Variants in VRK1 observed in about 807,000 individuals in gnomAD.
The protein encoded by VRK1 is serine/threonine-protein kinase VRK1.
In VRK1, 33 loss-of-function variants were observed where a neutral mutation model predicts 57.1. The observed-to-expected ratio is 0.58, with a 90% CI of 0.44 to 0.77. The LOEUF is 0.77. Among genes scored for constraint, VRK1 ranks in the 30% least tolerant of loss-of-function variants. The pLI, the probability that VRK1 is intolerant of heterozygous loss-of-function variation, is 0.00. For synonymous variants in VRK1, 137 were observed against 147.8 expected (o/e 0.93, Z 0.53); for missense variants, 413 against 477.3 (o/e 0.87, Z 1.25).
intron 11 of VRK1, among the ~76,000 whole-genome samples, chr14:96,865,681 G>A (rs981752947): frequency 6.6e-6 from 1 of 151,746 alleles, no homozygotes; most frequent in African/African-American, 2.4e-5. Flanking sequence ...ATTTATCTCA[G>A]TCGTGTTTGT....
chr14:96,854,701 A>G (rs1446769894), intron 7 of VRK1, among the ~76,000 whole-genome samples: 2 of 152,234 alleles, frequency 1.3e-5, no homozygotes, highest in Non-Finnish European at 2.9e-5. Context: ...ATTATGATGT[A>G]TGAAATGTTT....
chr14:96,846,292 A>G, intron 4 of VRK1, 128 bp downstream of exon 4: 1 of 910,020 alleles, frequency 1.1e-6, no homozygotes, highest in Non-Finnish European at 1.7e-6. Flanking sequence ...AATTCCACTT[A>G]CATGGGATTT....
At chr14:96,813,230 C>A (rs1453340707) in intron 1 of VRK1, among the ~76,000 whole-genome samples, 3 of 152,194 alleles carry the variant, frequency 2.0e-5, no homozygotes. Flanking sequence ...GTGCTCTTAA[C>A]ACTGCTCGGT....
intron 2 of VRK1, among the ~76,000 whole-genome samples, chr14:96,834,486 G>A (rs1887137869): frequency 6.6e-6 from 1 of 152,158 alleles, no homozygotes. Flanking sequence ...GCCCAGCAGT[G>A]TTTGTTCAAG....
intron 11 of VRK1, among the ~76,000 whole-genome samples, chr14:96,871,342 A>C (rs933972825): frequency 7.2e-5 from 11 of 152,290 alleles, no homozygotes; most frequent in African/African-American, 2.6e-4. Context: ...AGAGATCTAA[A>C]TTTAAACAAG....
intron 5 of VRK1, among the ~76,000 whole-genome samples, chr14:96,852,350 T>C (rs1273925549): frequency 2.0e-5 from 3 of 152,268 alleles, no homozygotes; most frequent in Admixed American, 2.0e-4. Context: ...AACAATGGTA[T>C]TGAATCTGGC....
chr14:96,863,755 A>C (rs1165557121), intron 11 of VRK1, among the ~76,000 whole-genome samples: 1 of 152,038 alleles, frequency 6.6e-6, no homozygotes, highest in Non-Finnish European at 1.5e-5. Context: ...GCATTATGCT[A>C]ATTGGTCTTT....
chr14:96,858,242 CCA>C (rs922567603), intron 10 of VRK1, among the ~76,000 whole-genome samples: 3 of 152,016 alleles, frequency 2.0e-5, no homozygotes, highest in African/African-American at 7.3e-5. Flanking sequence ...CAGGCACACG[CCA>C]CCACACCTGG....
chr14:96,807,692 A>G (rs181947529), intron 1 of VRK1, among the ~76,000 whole-genome samples: 103 of 152,278 alleles, frequency 6.8e-4, no homozygotes, highest in African/African-American at 2.3e-3. Flanking sequence ...CCCTGCATCT[A>G]TCTAAGCTAT....
chr14:96,866,231 T>C (rs1199525847), intron 11 of VRK1, among the ~76,000 whole-genome samples: 3 of 152,180 alleles, frequency 2.0e-5, no homozygotes, highest in Admixed American at 6.5e-5. Context: ...TCTTTATAGT[T>C]TGGATTTTAG....
At chr14:96,856,421 A>T (rs1283824256) in intron 9 of VRK1, 107 bp from the exon 10 acceptor site, 4 of 1,351,220 alleles carry the variant, frequency 3.0e-6, no homozygotes, top group Admixed American at 2.0e-5. Context: ...AAATGTCTGT[A>T]AGCATATTTA....
chr14:96,866,110 T>C (rs749917335), intron 11 of VRK1, among the ~76,000 whole-genome samples: 1 of 152,170 alleles, frequency 6.6e-6, no homozygotes, highest in Non-Finnish European at 1.5e-5. Context: ...TGGTATTCTT[T>C]GTTCGTGTGC....
chr14:96,827,317 G>A (rs1311996252), intron 1 of VRK1, among the ~76,000 whole-genome samples: 4 of 152,174 alleles, frequency 2.6e-5, no homozygotes, highest in Admixed American at 2.0e-4. Flanking sequence ...GATTTTGTCA[G>A]TAGAAGGTGA....
At chr14:96,803,698 TAC>T (rs1566681241) in intron 1 of VRK1, among the ~76,000 whole-genome samples, 1 of 152,252 alleles carries the variant, frequency 6.6e-6, no homozygotes, top group African/African-American at 2.4e-5. Context: ...GTTTGAGAGA[TAC>T]AGTTTCTCCA....
intron 5 of VRK1, among the ~76,000 whole-genome samples, chr14:96,851,175 C>T (rs530216147): frequency 6.7e-6 from 1 of 149,912 alleles, no homozygotes; most frequent in South Asian, 2.1e-4. Context: ...GGAGTTTGCT[C>T]TTGTCGTGCA....
At chr14:96,801,306 T>A (rs1173419317) in intron 1 of VRK1, among the ~76,000 whole-genome samples, 1 of 152,220 alleles carries the variant, frequency 6.6e-6, no homozygotes, top group Non-Finnish European at 1.5e-5. Context: ...TTTTATCAAG[T>A]GACAGCTAAA....
rs924108390 is a variant in VRK1 at position 96,855,296 on chromosome 14, C to G, written c.649C>G (p.Pro217Ala). 1.2e-6 allele frequency: 2 copies of G among 1,613,826 alleles called. No homozygotes were observed. The highest frequency in any genetic ancestry group is 1.7e-6 in the Non-Finnish European group (2 of 1,179,958). Residue 217 changes from proline (P) to alanine (A), a missense_variant, in exon 8 of 13, where the codon CCC becomes GCC. Around this residue, in one of 3 missense-constraint regions of VRK1, gnomAD observed 151 missense variants for 225.5 expected, o/e 0.67. Coordinates refer to ENST00000216639, the MANE Select transcript of VRK1 (RefSeq NM_003384.3). The stretch of plus-strand genomic sequence containing the variant: ...AGTTCATAAAGAATACAAAGAAGAC[C>G]CCAAAAGATGTCACGATGGCACTAT... ...EGVHKEYKED[P>A]KRCHDGTIEF...
intron 11 of VRK1, among the ~76,000 whole-genome samples, chr14:96,871,726 A>C (rs1054536974): frequency 6.6e-6 from 1 of 152,236 alleles, no homozygotes; most frequent in African/African-American, 2.4e-5. Flanking sequence ...TTGTGGAAGG[A>C]AATTGCAATA....
intron 11 of VRK1, among the ~76,000 whole-genome samples, chr14:96,862,291 T>C (rs1888420808): frequency 6.6e-6 from 1 of 152,208 alleles, no homozygotes; most frequent in African/African-American, 2.4e-5. Flanking sequence ...GGATCATCCC[T>C]GACATGTATA....
Sources: allele counts gnomAD v4.1 joint callset (sites outside exome capture counted in the v4.1 genomes callset), GRCh38; gene constraint gnomAD v4.1.1; regional missense constraint gnomAD v4.1.1; transcripts MANE v1.5; gene names NCBI Gene and HGNC (gene_info 2026-07-23, HGNC 2026-07-21).